Variants in ASAP1 observed in about 807,000 individuals in gnomAD.
The protein encoded by ASAP1 is arf-GAP with SH3 domain, ANK repeat and PH domain-containing protein 1.
ASAP1 carries 43 observed loss-of-function variants against 145.2 expected under a neutral mutation model. The ratio of observed to expected loss-of-function variants is 0.30; its 90% CI spans 0.23 to 0.38. The LOEUF (loss-of-function observed/expected upper bound fraction) is 0.38, where lower values mean the gene tolerates loss of function less well. ASAP1 is among the 10% of genes least tolerant of loss of function. The pLI, the probability that ASAP1 is intolerant of heterozygous loss-of-function variation, is 1.00. For synonymous variants in ASAP1, 546 were observed against 515.5 expected, an observed-to-expected ratio of 1.06 and a Z score of -0.80; for missense variants, 1,018 against 1,355.3, an observed-to-expected ratio of 0.75 and a Z score of 3.91.
chr8:130,415,021 G>C (rs1283363636), intron 1 of ASAP1, among the ~76,000 whole-genome samples: 1 of 152,252 alleles, frequency 6.6e-6, no homozygotes, highest in Non-Finnish European at 1.5e-5. Flanking sequence ...GCCTCCCAAA[G>C]TGCTGGGATT....
At chr8:130,351,744 C>T (rs902800007) in intron 3 of ASAP1, among the ~76,000 whole-genome samples, 6 of 152,164 alleles carry the variant, frequency 3.9e-5, no homozygotes, top group African/African-American at 1.4e-4. Context: ...TGATGCTAAA[C>T]CATTCATGAG....
chr8:130,416,095 C>T (rs1318051965), intron 1 of ASAP1, among the ~76,000 whole-genome samples: 1 of 152,122 alleles, frequency 6.6e-6, no homozygotes, highest in African/African-American at 2.4e-5. Flanking sequence ...GTCTCCCAGG[C>T]GCAGCGGGCC....
chr8:130,303,302 T>C (rs931966165), intron 3 of ASAP1, among the ~76,000 whole-genome samples: 2 of 152,226 alleles, frequency 1.3e-5, no homozygotes, highest in Non-Finnish European at 2.9e-5. Flanking sequence ...TAAAATACTT[T>C]CTTTATACTA....
intron 2 of ASAP1, among the ~76,000 whole-genome samples, chr8:130,398,752 G>C (rs1828646165): frequency 6.6e-6 from 1 of 152,188 alleles, no homozygotes; most frequent in Admixed American, 6.5e-5. Flanking sequence ...GGAGAGAACA[G>C]GAAGAAGCCG....
At chr8:130,301,089 T>C (rs1822632632) in intron 3 of ASAP1, among the ~76,000 whole-genome samples, 1 of 152,160 alleles carries the variant, frequency 6.6e-6, no homozygotes, top group Admixed American at 6.5e-5. Flanking sequence ...AGTCCATTAG[T>C]TCAGATGGTG....
intron 3 of ASAP1, among the ~76,000 whole-genome samples, chr8:130,240,396 T>C (rs543925172): frequency 6.6e-6 from 1 of 152,196 alleles, no homozygotes. Context: ...AGACAGGGGA[T>C]ACTGTCCTTC....
At chr8:130,131,235 T>C (rs997313693) in intron 15 of ASAP1, among the ~76,000 whole-genome samples, 2 of 151,758 alleles carry the variant, frequency 1.3e-5, no homozygotes, top group Non-Finnish European at 2.9e-5. Context: ...GCCAAATGAG[T>C]CTAACATGCA....
intron 5 of ASAP1, among the ~76,000 whole-genome samples, chr8:130,194,071 G>T (rs79034127): frequency 1.3e-5 from 2 of 151,886 alleles, no homozygotes. Flanking sequence ...GAATTTCTCC[G>T]TGGTTATCTA....
intron 1 of ASAP1, among the ~76,000 whole-genome samples, chr8:130,421,392 G>A (rs1285396419): frequency 1.3e-5 from 2 of 152,206 alleles, no homozygotes; most frequent in African/African-American, 2.4e-5. Flanking sequence ...TGGCAGCACT[G>A]CTAGTTCACC....
chr8:130,127,822 G>A, intron 16 of ASAP1, 105 bp downstream of exon 16: 1 of 1,262,738 alleles, frequency 7.9e-7, no homozygotes, highest in East Asian at 2.5e-5. Context: ...GTGTGTATGT[G>A]AGTGTGTCCA....
At chr8:130,153,768 A>G (rs927547093) in intron 12 of ASAP1, among the ~76,000 whole-genome samples, 2 of 152,196 alleles carry the variant, frequency 1.3e-5, no homozygotes, top group Non-Finnish European at 2.9e-5. Flanking sequence ...TGATATAATA[A>G]TAACTCCTCT....
chr8:130,137,658 TA>T (rs371744480), intron 13 of ASAP1, among the ~76,000 whole-genome samples: 1 of 152,190 alleles, frequency 6.6e-6, no homozygotes, highest in African/African-American at 2.4e-5. Flanking sequence ...TGACAATTAC[TA>T]CCTGTGAGGC....
At chr8:130,094,191 C>T (rs1160455439) in intron 24 of ASAP1, among the ~76,000 whole-genome samples, 1 of 152,086 alleles carries the variant, frequency 6.6e-6, no homozygotes, top group Non-Finnish European at 1.5e-5. Context: ...TATTCCTCAG[C>T]TTCTTCCCTA....
At chr8:130,101,529 G>GT (rs1378510056) in intron 24 of ASAP1, among the ~76,000 whole-genome samples, 1 of 151,494 alleles carries the variant, frequency 6.6e-6, no homozygotes, top group East Asian at 1.9e-4. Flanking sequence ...GGGTTTTTTA[G>GT]TTTTTTGGGG....
intron 18 of ASAP1, among the ~76,000 whole-genome samples, chr8:130,121,412 C>A (rs924005912): frequency 1.3e-4 from 20 of 152,186 alleles, no homozygotes; most frequent in Admixed American, 9.2e-4. Context: ...CAAGTCATGA[C>A]AACTGAGTAT....
intron 3 of ASAP1, among the ~76,000 whole-genome samples, chr8:130,310,073 T>C (rs1400964601): frequency 6.8e-6 from 1 of 146,304 alleles, no homozygotes; most frequent in African/African-American, 2.5e-5. Flanking sequence ...CGACCTGGCA[T>C]ACTTGCCTAT....
chr8:130,209,550 TAAAA>T (rs145484434), intron 5 of ASAP1, among the ~76,000 whole-genome samples: 1 of 138,740 alleles, frequency 7.2e-6, no homozygotes. Context: ...GCTCTTACAG[TAAAA>T]AAAAAAAAAA....
At chr8:130,382,139 A>G (rs1827798502) in intron 2 of ASAP1, among the ~76,000 whole-genome samples, 1 of 151,978 alleles carries the variant, frequency 6.6e-6, no homozygotes, top group African/African-American at 2.4e-5. Context: ...ATAAAAAATT[A>G]GCTGGGCGTG....
At chr8:130,265,763 A>G (rs769668041) in intron 3 of ASAP1, among the ~76,000 whole-genome samples, 2 of 152,086 alleles carry the variant, frequency 1.3e-5, no homozygotes, top group Non-Finnish European at 2.9e-5. Context: ...TGTGGTCCCA[A>G]GTACTTAGGA....
Sources: gnomAD v4.1 joint callset for allele counts (sites outside exome capture counted in the v4.1 genomes callset) on GRCh38, gnomAD v4.1.1 for gene constraint, MANE v1.5 for transcripts, NCBI Gene and HGNC (gene_info 2026-07-23, HGNC 2026-07-21) for gene names.